BTBD9: variants seen among roughly 807,000 people sequenced by gnomAD.
BTBD9 encodes BTB/POZ domain-containing protein 9.
In BTBD9, 49 loss-of-function variants were observed where a neutral mutation model predicts 64.3. The observed-to-expected ratio is 0.76, with a 90% CI of 0.61 to 0.97. BTBD9 has a LOEUF of 0.97. BTBD9 is among the 50% of genes least tolerant of loss of function. The pLI is 0.00. For synonymous variants in BTBD9, 260 were observed against 274.7 expected, an observed-to-expected ratio of 0.95 and a Z score of 0.53; for missense variants, 598 against 762.1, an observed-to-expected ratio of 0.78 and a Z score of 2.53.
intron 6 of BTBD9, among the ~76,000 whole-genome samples, chr6:38,543,235 A>C (rs1774367616): frequency 6.6e-6 from 1 of 152,166 alleles, no homozygotes. Context: ...CTGACCACAG[A>C]GGTATTCCCC....
chr6:38,271,393 GATT>G (rs1214340378), intron 8 of BTBD9, among the ~76,000 whole-genome samples: 3 of 151,916 alleles, frequency 2.0e-5, no homozygotes, highest in Non-Finnish European at 4.4e-5. Context: ...TCAATAACAG[GATT>G]ATTATTATTA....
Position 38,542,649 on chromosome 6 carries a change from T to C in BTBD9, c.1154+34951A>G, listed in dbSNP as rs191333173. 1.2e-4 allele frequency among the ~76,000 whole-genome samples: 18 copies of C among 152,274 alleles called. No homozygotes were observed. In the East Asian group the frequency reaches 3.3e-3, roughly 28 times the overall value. On this transcript the variant is annotated intron_variant, in intron 6 of 10. Coordinates refer to ENST00000481247, the MANE Select transcript of BTBD9 (RefSeq NM_001099272.2). ...TTGATGATATTTATAAATTTAAGAC[T>C]TTAACAAAACACTCTAGATTCCTTA...
intron 6 of BTBD9, among the ~76,000 whole-genome samples, chr6:38,397,114 C>CTGG (rs1562126636): frequency 1.3e-5 from 2 of 152,044 alleles, no homozygotes; most frequent in Non-Finnish European, 2.9e-5. Context: ...GTTGGCCAGG[C>CTGG]TGGTCTTGAA....
intron 6 of BTBD9, among the ~76,000 whole-genome samples, chr6:38,378,791 T>C (rs1195309375): frequency 6.6e-6 from 1 of 150,732 alleles, no homozygotes; most frequent in Non-Finnish European, 1.5e-5. Context: ...GAAGAATCAC[T>C]TGAACCCAGG....
At chr6:38,349,101 T>C (rs905087889) in intron 6 of BTBD9, among the ~76,000 whole-genome samples, 1 of 152,158 alleles carries the variant, frequency 6.6e-6, no homozygotes, top group Non-Finnish European at 1.5e-5. Flanking sequence ...TTGCCCACAT[T>C]GGTCTCAAAC....
At chr6:38,248,054 AT>A (rs1271811160) in intron 9 of BTBD9, among the ~76,000 whole-genome samples, 1 of 152,216 alleles carries the variant, frequency 6.6e-6, no homozygotes, top group African/African-American at 2.4e-5. Context: ...GTCGACCATT[AT>A]GAATATTTTG....
intron 6 of BTBD9, among the ~76,000 whole-genome samples, chr6:38,550,591 T>C (rs6923594): frequency 0.19 from 28,242 of 152,058 alleles, 2,667 homozygotes; most frequent in East Asian, 0.27. Flanking sequence ...GCTGGGATTA[T>C]AGGCATGAGC....
At position 38,169,899 on chromosome 6, in the gene BTBD9, T is replaced by C. The variant is rs75679710; in HGVS notation, c.*5086A>G. On this transcript the variant is annotated 3_prime_UTR_variant, in exon 11 of 11. Transcript: ENST00000481247. ...CCTCTTGGGGACTATTTCAGTTCTT[T>C]AAAAAAAAGAAGACACGAAGCTGAT... 1 of 151,616 alleles carries C rather than the reference T, an allele frequency of 6.6e-6. No individual in the cohort carries two copies. Among genetic ancestry groups the C allele is most frequent in the Admixed American group, 6.6e-5 (1 of 15,266 alleles). 9.4% of individuals were successfully genotyped at this position (151,616 alleles called of 1,614,324 possible).
chr6:38,283,216 T>C (rs889518206), intron 8 of BTBD9, among the ~76,000 whole-genome samples: 1 of 152,196 alleles, frequency 6.6e-6, no homozygotes, highest in Non-Finnish European at 1.5e-5. Flanking sequence ...AAGGTTCTAC[T>C]TGCCTACCCA....
intron 5 of BTBD9, among the ~76,000 whole-genome samples, chr6:38,579,323 A>G (rs916358243): frequency 2.6e-5 from 4 of 152,214 alleles, no homozygotes; most frequent in Non-Finnish European, 4.4e-5. Context: ...CATCATCATT[A>G]CTATTTAAGC....
intron 1 of BTBD9, among the ~76,000 whole-genome samples, chr6:38,606,358 T>C (rs1777433316): frequency 6.6e-6 from 1 of 151,798 alleles, no homozygotes; most frequent in Non-Finnish European, 1.5e-5. Context: ...TCTTAAAAAA[T>C]AAAAAAGGTT....
Position 38,505,964 on chromosome 6 carries a change from C to CAAAAAAAAAAAAAAAAAAAAA in BTBD9, c.1154+71635_1154+71636insTTTTTTTTTTTTTTTTTTTTT, listed in dbSNP as rs59014161. Among the ~76,000 whole-genome samples, 21 of 82,650 alleles carry CAAAAAAAAAAAAAAAAAAAAA rather than the reference C, an allele frequency of 2.5e-4. 1 individual carries two copies. The highest frequency in any genetic ancestry group is 7.4e-4 in the African/African-American group (18 of 24,454). 54.2% of individuals were successfully genotyped at this position (82,650 alleles called of 152,430 possible). ...TGGCAACAGCATGGCTCCGTCTCAA[C>CAAAAAAAAAAAAAAAAAAAAA]AAAAAAAAAAAAAAAAAAAAGGAAC... On this transcript the variant is annotated intron_variant, in intron 6 of 10. Transcript: ENST00000481247.
intron 6 of BTBD9, among the ~76,000 whole-genome samples, chr6:38,424,116 T>C (rs1024915629): frequency 6.6e-6 from 1 of 152,068 alleles, no homozygotes; most frequent in African/African-American, 2.4e-5. Context: ...TTATACTCAT[T>C]CATTGACTAA....
intron 9 of BTBD9, among the ~76,000 whole-genome samples, chr6:38,244,020 T>C (rs780144444): frequency 8.5e-5 from 13 of 152,312 alleles, no homozygotes; most frequent in Admixed American, 7.8e-4. Flanking sequence ...CTTCTGATTA[T>C]AATTTAGTAA....
intron 10 of BTBD9, among the ~76,000 whole-genome samples, chr6:38,185,654 C>T (rs1761784674): frequency 6.6e-6 from 1 of 152,170 alleles, no homozygotes; most frequent in Non-Finnish European, 1.5e-5. Flanking sequence ...CCATGTGGGA[C>T]AAGAAACAGT....
chr6:38,313,938 T>A (rs1762941754), intron 7 of BTBD9, among the ~76,000 whole-genome samples: 1 of 151,398 alleles, frequency 6.6e-6, no homozygotes, highest in African/African-American at 2.4e-5. Context: ...TTAGTAGAGA[T>A]GGGGTTTCAC....
At chr6:38,394,833 T>C (rs746275585) in intron 6 of BTBD9, among the ~76,000 whole-genome samples, 1 of 152,162 alleles carries the variant, frequency 6.6e-6, no homozygotes, top group Non-Finnish European at 1.5e-5. Flanking sequence ...ATGGGCCACC[T>C]TGAAAAATGA....
At chr6:38,251,037 G>A (rs1032352318) in intron 9 of BTBD9, among the ~76,000 whole-genome samples, 8 of 150,952 alleles carry the variant, frequency 5.3e-5, no homozygotes, top group Admixed American at 6.6e-5. Flanking sequence ...AGCCAAGACC[G>A]CGCCATTGCA....
chr6:38,371,121 C>CA (rs1243798544), intron 6 of BTBD9, among the ~76,000 whole-genome samples: 1 of 151,988 alleles, frequency 6.6e-6, no homozygotes, highest in East Asian at 1.9e-4. Context: ...GAGTGGTCAG[C>CA]AAAAAAACAA....
Sources: allele counts gnomAD v4.1 joint callset (sites outside exome capture counted in the v4.1 genomes callset), GRCh38; gene constraint gnomAD v4.1.1; transcripts MANE v1.5; gene names NCBI Gene and HGNC (gene_info 2026-07-23, HGNC 2026-07-21).